PRKAG3: variants seen among roughly 807,000 people sequenced by gnomAD.
PRKAG3 encodes the protein protein kinase AMP-activated non-catalytic subunit gamma 3, also known as 5'-AMP-activated protein kinase subunit gamma-3.
A neutral mutation model predicts 56.5 loss-of-function variants in PRKAG3; 39 were observed. That is an observed-to-expected ratio of 0.69 (90% CI 0.53 to 0.90). The LOEUF is 0.90. Ranked by LOEUF, PRKAG3 falls within the 40% of genes least tolerant of loss-of-function variation. The probability of loss-of-function intolerance (pLI) is 0.00; values close to 1 mark genes in which losing one functional copy is unlikely to be tolerated. For missense variants in PRKAG3, 628 were observed against 627.5 expected, an observed-to-expected ratio of 1.00 and a Z score of -0.01; for synonymous variants, 243 against 250.1, an observed-to-expected ratio of 0.97 and a Z score of 0.27.
exon 11 of PRKAG3, chr2:218,824,576 C>T (rs1464345139): frequency 1.9e-5 from 30 of 1,611,572 alleles, no homozygotes; most frequent in Non-Finnish European, 2.5e-5. Flanking sequence ...CACGACCTGA[C>T]CTGCAGAGGG....
At position 218,824,593 on chromosome 2, in the gene PRKAG3, T is replaced by TG. The variant is rs527333490; in HGVS notation, c.1169-18dup. The TG allele has an allele frequency of 1.6e-4, 264 of 1,603,420 alleles. No individual in the cohort carries two copies. The highest frequency in any genetic ancestry group is 2.1e-4 in the Non-Finnish European group (250 of 1,170,654). On this transcript the variant is annotated splice_polypyrimidine_tract_variant and intron_variant, in intron 10 of 12. Transcript: ENST00000529249. ...CGACCTGACCTGCAGAGGGTGGTTG[T>TG]GGGGGGTGGGGGGAGAAAGACAGGG...
At chr2:218,823,723 A>C in exon 13 of PRKAG3, 1 of 1,612,906 alleles carries the variant, frequency 6.2e-7, no homozygotes, top group South Asian at 1.1e-5. Context: ...ATTGGCTTCC[A>C]GGTGTGCAGG....
Position 218,827,418 on chromosome 2 carries a change from A to C in PRKAG3, c.876-45T>G, listed in dbSNP as rs1298228859. On this transcript the variant is annotated intron_variant, in intron 8 of 12. Transcript: ENST00000529249. The surrounding 1 kb of genome is among the most constrained non-coding windows in gnomAD (Gnocchi z 5.3). ...GAGCCTCGGGGCAGCCTAGGGAGAGACAACCTCCATCCCAGGCCCCTAAAA... is the reference window on the plus strand; with the variant it reads ...GAGCCTCGGGGCAGCCTAGGGAGAGCCAACCTCCATCCCAGGCCCCTAAAA... 6.2e-7 allele frequency: 1 copy of C among 1,613,476 alleles called. No homozygotes were observed. The highest frequency in any genetic ancestry group is 1.7e-5 in the Admixed American group (1 of 60,014).
chr2:218,831,702 G>T, intron 1 of PRKAG3, 36 bp downstream of exon 1: 1 of 1,602,514 alleles, frequency 6.2e-7, no homozygotes, highest in South Asian at 1.1e-5. Flanking sequence ...TCTGGCCTCA[G>T]CTGCCCCGGC....
At position 218,827,363 on chromosome 2, in the gene PRKAG3, C is replaced by T; in HGVS notation, c.886G>A (p.Ala296Thr). 1.9e-6 allele frequency: 3 copies of T among 1,614,146 alleles called. No homozygotes were observed. Among genetic ancestry groups the T allele is most frequent in the South Asian group, 2.2e-5 (2 of 91,074 alleles). ...CGGTTCTTGATGAGGGTGTAGACAG[C>T]TTCAAACAGGCTGCAGAGATGGGAG... Residue 296 changes from alanine (A) to threonine (T), a missense_variant, in exon 9 of 13, where the codon GCT becomes ACT. Coordinates refer to ENST00000529249, the Ensembl canonical transcript of PRKAG3. The surrounding 1 kb of genome is among the most constrained non-coding windows in gnomAD (Gnocchi z 5.3).
Position 218,823,897 on chromosome 2 carries a change from C to A in PRKAG3, c.1354-19G>T. On this transcript the variant is annotated intron_variant, in intron 12 of 12. Coordinates refer to ENST00000529249, the Ensembl canonical transcript of PRKAG3. ...TGTGTACCTGTGGGTCCGCAATGTT[C>A]AGTGAGGGGGCAGAGCCATGGGGCT... 1 of 1,609,118 alleles carries A rather than the reference C, an allele frequency of 6.2e-7. No homozygotes were observed. The highest frequency in any genetic ancestry group is 1.1e-5 in the South Asian group (1 of 90,930).
At chr2:218,829,630 C>T (rs1943988719) in intron 4 of PRKAG3, among the ~76,000 whole-genome samples, 1 of 152,040 alleles carries the variant, frequency 6.6e-6, no homozygotes, top group Admixed American at 6.6e-5. Flanking sequence ...CCGGCCTCTG[C>T]AATGTCTTAC....
downstream of PRKAG3, chr2:218,822,985 C>G: frequency 1.0e-6 from 1 of 985,428 alleles, no homozygotes; most frequent in African/African-American, 1.7e-5. Context: ...AGCTGTTCTC[C>G]TTAATTTCAT....
chr2:218,826,529 AACTCCTGGCCTC>A, intron 10 of PRKAG3: 2 of 284,922 alleles, frequency 7.0e-6, no homozygotes, highest in Non-Finnish European at 1.4e-5. Flanking sequence ...TGTAAACTCA[AACTCCTGGCCTC>A]AAGCGACCTT....
intron 1 of PRKAG3, 144 bp from the exon 2 acceptor site, chr2:218,831,519 AAC>A (rs1268174297): frequency 5.0e-6 from 5 of 990,158 alleles, no homozygotes; most frequent in Non-Finnish European, 7.6e-6. Context: ...GCCATACACA[AAC>A]ACACACAGAA....
At chr2:218,823,509 G>A in exon 13 of PRKAG3, 2 of 577,804 alleles carry the variant, frequency 3.5e-6, no homozygotes, top group East Asian at 3.8e-5. Flanking sequence ...GGGGACCTGT[G>A]AGTCCTTACA....
intron 4 of PRKAG3, among the ~76,000 whole-genome samples, chr2:218,829,379 G>C (rs2105988917): frequency 6.6e-6 from 1 of 151,300 alleles, no homozygotes; most frequent in South Asian, 2.1e-4. Flanking sequence ...GGAGTGCAGT[G>C]GCACGATCTC....
intron 10 of PRKAG3, among the ~76,000 whole-genome samples, chr2:218,826,130 C>T (rs1319998040): frequency 6.6e-6 from 1 of 152,128 alleles, no homozygotes; most frequent in African/African-American, 2.4e-5. Context: ...CTGTAATTTA[C>T]TTTGAATTAC....
Position 218,831,728 on chromosome 2 carries a change from A to AC in PRKAG3, c.33+9dup, listed in dbSNP as rs746899326. The stretch of plus-strand genomic sequence containing the variant: ...CTGCCCCGGCTCCGGCTCCCCTGGG[A>AC]CCCCCATACCCTGCGCAGTGCGTGC... On this transcript the variant is annotated intron_variant, in intron 1 of 12. Coordinates refer to ENST00000529249, the Ensembl canonical transcript of PRKAG3. The AC allele has an allele frequency of 1.9e-6, 3 of 1,610,018 alleles. No homozygotes were observed. In the South Asian group the frequency reaches 3.3e-5, roughly 18 times the overall value.
chr2:218,827,649 C>A lies in PRKAG3; in HGVS notation c.821-20G>T. ...AGATCTCTGCAGAAAGAGCCAGAGTCAGGCCAGGGGAGCCGGTCACCTGCC... is the reference window on the plus strand; with the variant it reads ...AGATCTCTGCAGAAAGAGCCAGAGTAAGGCCAGGGGAGCCGGTCACCTGCC... On this transcript the variant is annotated intron_variant, in intron 7 of 12. Transcript: ENST00000529249. The surrounding 1 kb of genome is among the most constrained non-coding windows in gnomAD (Gnocchi z 5.3). The A allele has an allele frequency of 6.2e-7, 1 of 1,613,646 alleles. No individual in the cohort carries two copies. The highest frequency in any genetic ancestry group is 8.5e-7 in the Non-Finnish European group (1 of 1,179,766).
chr2:218,829,422 G>A (rs1049798234), intron 4 of PRKAG3, among the ~76,000 whole-genome samples: 1 of 151,748 alleles, frequency 6.6e-6, no homozygotes, highest in East Asian at 1.9e-4. Context: ...CTGGGTTCAA[G>A]TGATTCGCCT....
chr2:218,829,194 C>A (rs1346653001), intron 4 of PRKAG3, among the ~76,000 whole-genome samples: 14 of 152,092 alleles, frequency 9.2e-5, no homozygotes, highest in Admixed American at 8.5e-4. Flanking sequence ...CACTGCACTG[C>A]ATAACAATGA....
At chr2:218,825,726 G>A (rs1943922326) in intron 10 of PRKAG3, among the ~76,000 whole-genome samples, 1 of 151,058 alleles carries the variant, frequency 6.6e-6, no homozygotes, top group Non-Finnish European at 1.5e-5. Flanking sequence ...ACAATAATAT[G>A]AATTATTCAT....
In PRKAG3 at chr2:218,827,751, G is replaced by T. The variant is rs1407245085; in HGVS notation, c.820+82C>A. The T allele has an allele frequency of 5.7e-6, 9 of 1,567,318 alleles. No homozygotes were observed. The highest frequency in any genetic ancestry group is 7.0e-6 in the Non-Finnish European group (8 of 1,138,090). On this transcript the variant is annotated intron_variant, in intron 7 of 12. Coordinates refer to ENST00000529249, the Ensembl canonical transcript of PRKAG3. This position sits in a 1 kb window ranked among gnomAD's most constrained non-coding sequence, Gnocchi z 5.3. ...ATTGTCCCTCCCCTGTTCACTCCAGGACATCCCCACTGCCCATCCTCCACC... is the reference window on the plus strand; with the variant it reads ...ATTGTCCCTCCCCTGTTCACTCCAGTACATCCCCACTGCCCATCCTCCACC...
Sources: gnomAD v4.1 joint callset for allele counts (sites outside exome capture counted in the v4.1 genomes callset) on GRCh38, gnomAD v4.1.1 for gene constraint, Gnocchi (gnomAD v3.1) non-coding constraint, MANE v1.5 for transcripts, NCBI Gene and HGNC (gene_info 2026-07-23, HGNC 2026-07-21) for gene names.